FUNDC2: variants seen among roughly 807,000 people sequenced by gnomAD.
FUNDC2 encodes FUN14 domain-containing protein 2.
A neutral mutation model predicts 15.6 loss-of-function variants in FUNDC2; 4 were observed. The observed-to-expected ratio is 0.26, with a 90% CI of 0.13 to 0.59. The LOEUF is 0.59. FUNDC2 is among the 20% of genes least tolerant of loss of function. The pLI is 0.90. For synonymous variants in FUNDC2, 44 were observed against 56.9 expected, an observed-to-expected ratio of 0.77 and a Z score of 1.02; for missense variants, 98 against 149.7, an observed-to-expected ratio of 0.65 and a Z score of 1.80.
rs140875632 is a variant in FUNDC2 at position 155,048,368 on chromosome X, A to G, written c.360+1784A>G. ...ATAGGGATCCAGTTTCCTTTTTTCC[A>G]TACTGATAATTGAGCAGAATTTAGT... is the stretch of plus-strand genomic sequence containing the variant. On this transcript the variant is annotated intron_variant, in intron 3 of 4. Coordinates refer to ENST00000369498, the MANE Select transcript of FUNDC2 (RefSeq NM_023934.4). Among the ~76,000 whole-genome samples the G allele has an allele frequency of 5.9e-3, 662 of 111,733 alleles. 6 individuals are homozygous for G. Among genetic ancestry groups the G allele is most frequent in the African/African-American group, 0.021 (633 of 30,690 alleles).
chrX:155,053,340 A>G (rs2073884373), intron 4 of FUNDC2, among the ~76,000 whole-genome samples: 1 of 112,030 alleles, frequency 8.9e-6, no homozygotes, highest in Non-Finnish European at 1.9e-5. Flanking sequence ...TTTCCTACTC[A>G]TAGAGCCGGT....
Position 155,031,307 on chromosome X carries a change from G to GTTCTGT in FUNDC2, c.134-2079_134-2074dup, listed in dbSNP as rs1393194827. Among the ~76,000 whole-genome samples, 6 of 111,995 alleles carry GTTCTGT rather than the reference G, an allele frequency of 5.4e-5. No homozygotes were observed. In the South Asian group the frequency reaches 2.2e-3, roughly 42 times the overall value. ...TACTTCAGCATCTTGATCATCACTGGTTCTGTTTCTGTTTCTGTTTCTTTT... is the reference window on the plus strand; with the variant it reads ...TACTTCAGCATCTTGATCATCACTGGTTCTGTTTCTGTTTCTGTTTCTGTTTCTTTT... On this transcript the variant is annotated intron_variant, in intron 1 of 4. Coordinates refer to ENST00000369498, the MANE Select transcript of FUNDC2 (RefSeq NM_023934.4).
At chrX:155,041,324 T>C (rs2073845582) in intron 2 of FUNDC2, among the ~76,000 whole-genome samples, 1 of 112,221 alleles carries the variant, frequency 8.9e-6, no homozygotes, top group African/African-American at 3.2e-5. Flanking sequence ...TTTAAAATTA[T>C]GTAAATTCAT....
intron 4 of FUNDC2, 80 bp from the exon 5 acceptor site, chrX:155,054,515 G>A: frequency 1.7e-6 from 2 of 1,190,748 alleles, no homozygotes; most frequent in South Asian, 3.7e-5. Context: ...GTTAAGACTG[G>A]CATAGGTATA....
chrX:155,057,884 C>G lies in FUNDC2; in HGVS notation c.*3212C>G, dbSNP rs1400985051. 4.5e-5 allele frequency: 5 copies of G among 111,640 alleles called. No individual in the cohort carries two copies. The highest frequency in any genetic ancestry group is 2.8e-4 in the Admixed American group (3 of 10,587). 9.2% of individuals were successfully genotyped at this position (111,640 alleles called of 1,213,427 possible). ...GGGCACTTTCTGGCCGCTGCCTGCT[C>G]GGGCTCAACAGATGGAGTCCAATGT... On this transcript the variant is annotated 3_prime_UTR_variant, in exon 5 of 5. Transcript: ENST00000369498.
chrX:155,053,697 A>C (rs1358257710), intron 4 of FUNDC2: 1 of 305,103 alleles, frequency 3.3e-6, no homozygotes, highest in African/African-American at 3.0e-5. Flanking sequence ...TAGTGTGAAA[A>C]ATGTTAGGGG....
At chrX:155,039,883 A>G (rs782037531) in intron 2 of FUNDC2, among the ~76,000 whole-genome samples, 1 of 111,736 alleles carries the variant, frequency 8.9e-6, no homozygotes, top group Non-Finnish European at 1.9e-5. Flanking sequence ...TCTGTGAAAA[A>G]TGTCATTGGA....
chrX:155,044,944 G>A (rs2073857909), intron 2 of FUNDC2, among the ~76,000 whole-genome samples: 2 of 112,048 alleles, frequency 1.8e-5, no homozygotes, highest in African/African-American at 6.5e-5. Context: ...TAGTAGCCAA[G>A]ATATGGAAAC....
chrX:155,047,066 T>C, intron 3 of FUNDC2: 1 of 239,655 alleles, frequency 4.2e-6, no homozygotes, highest in Non-Finnish European at 7.8e-6. Flanking sequence ...TGAGACTGCT[T>C]AGGAGAGACT....
Position 155,033,454 on chromosome X carries a change from A to G in FUNDC2, c.185A>G (p.Lys62Arg), listed in dbSNP as rs2073822079. 3 of 1,211,489 alleles carry G rather than the reference A, an allele frequency of 2.5e-6. No individual in the cohort carries two copies. Among genetic ancestry groups the G allele is most frequent in the Non-Finnish European group, 3.4e-6 (3 of 894,883 alleles). Reference protein sequence around the residue: ...ESLDLAEFAKKQPWWRKLFGQ... With the variant: ...ESLDLAEFAKRQPWWRKLFGQ... Reference sequence around the variant, plus strand: ...CTGGACCTTGCGGAATTTGCTAAGAAGCAGCCATGGTGGCGTAAGCTGTTC... The same window carrying G: ...CTGGACCTTGCGGAATTTGCTAAGAGGCAGCCATGGTGGCGTAAGCTGTTC... Residue 62 changes from lysine (K) to arginine (R), a missense_variant, in exon 2 of 5, where the codon AAG (lysine) becomes AGG (arginine). Coordinates refer to ENST00000369498, the MANE Select transcript of FUNDC2 (RefSeq NM_023934.4).
intron 2 of FUNDC2, among the ~76,000 whole-genome samples, chrX:155,043,288 G>A (rs2073853314): frequency 8.9e-6 from 1 of 111,886 alleles, no homozygotes; most frequent in Non-Finnish European, 1.9e-5. Context: ...CTTATTATGT[G>A]CAATCTTTTC....
chrX:155,036,807 G>T (rs1004314937), intron 2 of FUNDC2, among the ~76,000 whole-genome samples: 1 of 110,756 alleles, frequency 9.0e-6, no homozygotes, highest in Non-Finnish European at 1.9e-5. Context: ...TGAGCTCTTT[G>T]TACTGCCAAA....
chrX:155,038,871 T>C (rs1340987507), intron 2 of FUNDC2, among the ~76,000 whole-genome samples: 1 of 112,499 alleles, frequency 8.9e-6, no homozygotes, highest in Admixed American at 9.4e-5. Context: ...AGTAGTGTGA[T>C]TGCTGAATCA....
intron 4 of FUNDC2, chrX:155,053,766 C>G (rs1183713653): frequency 2.8e-6 from 2 of 725,789 alleles, no homozygotes; most frequent in African/African-American, 4.7e-5. Flanking sequence ...TACTTGAGTT[C>G]AAGAAATGAT....
At chrX:155,042,371 G>A (rs2073850630) in intron 2 of FUNDC2, among the ~76,000 whole-genome samples, 1 of 107,472 alleles carries the variant, frequency 9.3e-6, no homozygotes, top group Admixed American at 9.9e-5. Context: ...ATTTTTAGTA[G>A]AGATGGGGTT....
intron 3 of FUNDC2, chrX:155,049,832 T>A (rs2073874683): frequency 8.9e-6 from 1 of 112,622 alleles, no homozygotes; most frequent in African/African-American, 3.2e-5. Context: ...TAATATTTAA[T>A]TATTTTTTGC....
intron 3 of FUNDC2, chrX:155,049,669 A>G (rs1466435689): frequency 8.9e-6 from 1 of 112,154 alleles, no homozygotes; most frequent in Non-Finnish European, 1.9e-5. Context: ...TCTATGGATA[A>G]TTTGGAGAGA....
At chrX:155,042,173 A>T (rs1472704147) in intron 2 of FUNDC2, among the ~76,000 whole-genome samples, 12 of 58,654 alleles carry the variant, frequency 2.0e-4, no homozygotes, top group Admixed American at 3.7e-4. Flanking sequence ...TTCTTTTTCT[A>T]TCTTTTTTTT....
At chrX:155,054,153 T>C (rs782279179) in intron 4 of FUNDC2, 8 of 753,777 alleles carry the variant, frequency 1.1e-5, no homozygotes, top group Non-Finnish European at 1.3e-5. Context: ...GGGGAGAGAC[T>C]TCAGGAAATG....
Sources: gnomAD v4.1 joint callset for allele counts (sites outside exome capture counted in the v4.1 genomes callset) on GRCh38, gnomAD v4.1.1 for gene constraint, MANE v1.5 for transcripts, NCBI Gene and HGNC (gene_info 2026-07-23, HGNC 2026-07-21) for gene names.